Variants in KALRN observed in about 807,000 individuals in gnomAD.
The protein encoded by KALRN is kalirin.
Under a neutral mutation model 353.7 loss-of-function variants are expected in KALRN, and 70 were observed. The observed-to-expected ratio is 0.20, with a 90% CI of 0.16 to 0.24. The LOEUF (loss-of-function observed/expected upper bound fraction) is 0.24, where lower values mean the gene tolerates loss of function less well. Among genes scored for constraint, KALRN ranks in the 10% least tolerant of loss-of-function variants. The pLI is 1.00. For missense variants in KALRN, 2,791 were observed against 3,756.7 expected, an observed-to-expected ratio of 0.74 and a Z score of 6.72; for synonymous variants, 1,391 against 1,434.8, an observed-to-expected ratio of 0.97 and a Z score of 0.69.
At chr3:124,625,021 G>GA (rs957882858) in intron 34 of KALRN, among the ~76,000 whole-genome samples, 5 of 152,108 alleles carry the variant, frequency 3.3e-5, no homozygotes, top group African/African-American at 9.7e-5. Flanking sequence ...TGAATACACA[G>GA]AAAAAAGTCA....
chr3:124,366,959 A>G (rs1197006760), intron 10 of KALRN, among the ~76,000 whole-genome samples: 58 of 121,664 alleles, frequency 4.8e-4, no homozygotes, highest in African/African-American at 1.6e-3. Context: ...AGGGGTGGCC[A>G]GGCAGAGGCG....
chr3:124,700,027 G>T lies in KALRN; in HGVS notation c.7990G>T (p.Glu2664Ter). The T allele has an allele frequency of 6.2e-7, 1 of 1,613,988 alleles. No individual in the cohort carries two copies. Among genetic ancestry groups the T allele is most frequent in the Non-Finnish European group, 8.5e-7 (1 of 1,179,990 alleles). Reference sequence around the variant, plus strand: ...GCCCTCGGAGTTTGTGCGACTTCCAGAATATGGTGAGTCCCAGCCCAGCCC... The same window carrying T: ...GCCCTCGGAGTTTGTGCGACTTCCATAATATGGTGAGTCCCAGCCCAGCCC... ...SEPSEFVRLPEYDAAADGATI... is the reference protein window; with the variant it reads ...SEPSEFVRLP Residue 2664 changes from glutamate to a stop codon, truncating the protein, a stop_gained, in exon 56 of 60, where the codon GAA becomes TAA. Coordinates refer to ENST00000682506, the MANE Select transcript of KALRN (RefSeq NM_001388419.1). LOFTEE classifies it high-confidence loss of function.
chr3:124,496,265 G>T (rs535458405), intron 32 of KALRN, 46 bp from the exon 33 acceptor site: 3 of 1,458,190 alleles, frequency 2.1e-6, no homozygotes, highest in Admixed American at 1.7e-5. Context: ...AACCCACAGT[G>T]GTTCCCCCCA....
intron 1 of KALRN, among the ~76,000 whole-genome samples, chr3:124,187,950 AAGT>A (rs1248317114): frequency 6.6e-6 from 1 of 152,182 alleles, no homozygotes; most frequent in Non-Finnish European, 1.5e-5. Context: ...GATAAACTGG[AAGT>A]CCTCAACCCT....
chr3:124,544,595 G>T (rs1370746304), intron 33 of KALRN, among the ~76,000 whole-genome samples: 8 of 151,516 alleles, frequency 5.3e-5, no homozygotes, highest in Non-Finnish European at 2.9e-5. Flanking sequence ...CATCTATATC[G>T]ATATAGATAC....
intron 6 of KALRN, among the ~76,000 whole-genome samples, chr3:124,303,291 A>G (rs1299370396): frequency 6.6e-6 from 1 of 152,186 alleles, no homozygotes; most frequent in African/African-American, 2.4e-5. Context: ...TTTGATCTTC[A>G]ATTAATAGTA....
intron 1 of KALRN, among the ~76,000 whole-genome samples, chr3:124,087,579 C>T (rs2060890154): frequency 6.6e-6 from 1 of 152,166 alleles, no homozygotes; most frequent in Admixed American, 6.5e-5. Flanking sequence ...TGTAACAAAC[C>T]ACCCTAAATC....
chr3:124,210,009 G>T (rs2076769362), intron 1 of KALRN, among the ~76,000 whole-genome samples: 1 of 152,122 alleles, frequency 6.6e-6, no homozygotes, highest in Non-Finnish European at 1.5e-5. Flanking sequence ...GAGAGTAAAG[G>T]GTTAAGAAGA....
At chr3:124,627,105 G>A (rs1469491336) in intron 34 of KALRN, among the ~76,000 whole-genome samples, 2 of 152,222 alleles carry the variant, frequency 1.3e-5, no homozygotes, top group Non-Finnish European at 2.9e-5. Flanking sequence ...AAGATGGGAT[G>A]AGCATAACAT....
intron 10 of KALRN, among the ~76,000 whole-genome samples, chr3:124,349,197 C>G (rs1021237940): frequency 6.6e-6 from 1 of 152,132 alleles, no homozygotes; most frequent in East Asian, 1.9e-4. Context: ...ACCTTGAAGA[C>G]ATTATACTAA....
chr3:124,526,849 A>G (rs2067635013), intron 33 of KALRN, among the ~76,000 whole-genome samples: 1 of 152,176 alleles, frequency 6.6e-6, no homozygotes, highest in East Asian at 1.9e-4. Flanking sequence ...TATTGCTAAT[A>G]ATTAGTGACT....
intron 33 of KALRN, among the ~76,000 whole-genome samples, chr3:124,531,288 ATAC>A (rs2109152606): frequency 6.6e-6 from 1 of 152,360 alleles, no homozygotes; most frequent in Non-Finnish European, 1.5e-5. Flanking sequence ...ACAACAAATC[ATAC>A]TTGCAAATAA....
At chr3:124,374,420 G>A (rs2149822908) in intron 10 of KALRN, 1 of 152,322 alleles carries the variant, frequency 6.6e-6, no homozygotes, top group East Asian at 1.9e-4. Context: ...TATATCAGAG[G>A]CTGTGGGCTT....
chr3:124,111,879 T>C (rs2063009395), intron 1 of KALRN, among the ~76,000 whole-genome samples: 1 of 152,214 alleles, frequency 6.6e-6, no homozygotes, highest in Non-Finnish European at 1.5e-5. Context: ...TACAAATTAC[T>C]TCTATAAATG....
At chr3:124,234,220 T>C (rs2079495340) in intron 2 of KALRN, among the ~76,000 whole-genome samples, 1 of 152,218 alleles carries the variant, frequency 6.6e-6, no homozygotes, top group South Asian at 2.1e-4. Flanking sequence ...TGTGCTCCTC[T>C]AGCAGGAGTG....
intron 33 of KALRN, among the ~76,000 whole-genome samples, chr3:124,503,429 C>T (rs1561160997): frequency 6.8e-6 from 1 of 147,896 alleles, no homozygotes; most frequent in Non-Finnish European, 1.5e-5. Flanking sequence ...ACCATCTCCA[C>T]TCTAAGCCCA....
rs1452336229 is a variant in KALRN at position 124,456,602 on chromosome 3, A to G, written c.3736-8A>G. 1.9e-6 allele frequency: 3 copies of G among 1,602,348 alleles called. No homozygotes were observed. The highest frequency in any genetic ancestry group is 1.7e-5 in the Admixed American group (1 of 59,848). On this transcript the variant is annotated splice_polypyrimidine_tract_variant and splice_region_variant and intron_variant, in intron 22 of 59. Transcript: ENST00000682506. ...ACAAGGTGACCTTTGTGATCCCTCC[A>G]TGTGCAGGATAATAAGGACCTGGAG...
At chr3:124,298,704 CT>C in intron 5 of KALRN, 86 bp from the exon 6 acceptor site, 7 of 1,483,502 alleles carry the variant, frequency 4.7e-6, no homozygotes, top group Non-Finnish European at 6.5e-6. Flanking sequence ...AGCAGGAGAG[CT>C]TTTTCCCCTT....
intron 6 of KALRN, among the ~76,000 whole-genome samples, chr3:124,311,640 A>G (rs6783311): frequency 0.2 from 31,173 of 152,092 alleles, 3,305 homozygotes; most frequent in South Asian, 0.29. Context: ...TCTTAGGTAT[A>G]TACTCAAGAG....
Sources: allele counts gnomAD v4.1 joint callset (sites outside exome capture counted in the v4.1 genomes callset), GRCh38; gene constraint gnomAD v4.1.1; transcripts MANE v1.5; gene names NCBI Gene and HGNC (gene_info 2026-07-23, HGNC 2026-07-21).